DAP3: variants seen among roughly 807,000 people sequenced by gnomAD.
The protein encoded by DAP3 is small ribosomal subunit protein mS29.
DAP3 carries 28 observed loss-of-function variants against 51.9 expected under a neutral mutation model. The observed-to-expected ratio is 0.54, with a 90% CI of 0.40 to 0.74. The LOEUF is 0.74. Among genes scored for constraint, DAP3 ranks in the 30% least tolerant of loss-of-function variants. The pLI is 0.00. For missense variants in DAP3, 458 were observed against 483.5 expected (o/e 0.95, Z 0.49); for synonymous variants, 170 against 170.3 (o/e 1.00, Z 0.01).
chr1:155,733,397 A>G (rs1659439139), intron 11 of DAP3, among the ~76,000 whole-genome samples: 4 of 152,194 alleles, frequency 2.6e-5, no homozygotes. Flanking sequence ...ACTTCCACCT[A>G]CTGGTTTTAG....
chr1:155,730,189 A>G (rs977895190), intron 9 of DAP3, among the ~76,000 whole-genome samples: 1 of 147,882 alleles, frequency 6.8e-6, no homozygotes, highest in African/African-American at 2.5e-5. Flanking sequence ...ATGTATATAT[A>G]ATATTCATAT....
chr1:155,723,225 C>T (rs890896315), intron 4 of DAP3, among the ~76,000 whole-genome samples: 3 of 152,156 alleles, frequency 2.0e-5, no homozygotes, highest in Non-Finnish European at 4.4e-5. Context: ...GTGACCACAG[C>T]CCACAGCACA....
Position 155,737,135 on chromosome 1 carries a change from C to G in DAP3, c.1111+72C>G. The G allele has an allele frequency of 3.8e-6, 4 of 1,050,720 alleles. No homozygotes were observed. The Admixed American group carries it at 7.6e-5, about 20-fold the overall frequency. 65.1% of individuals were successfully genotyped at this position (1,050,720 alleles called of 1,614,324 possible). A position where few individuals can be genotyped will look rare whatever the true frequency, so the allele number is the denominator to read the frequency against. ...AATCCCACTCAGTCAGAGCCTTGATCTCTTCTTCCCTTAACAACAGCCTCT... is the reference window on the plus strand; with the variant it reads ...AATCCCACTCAGTCAGAGCCTTGATGTCTTCTTCCCTTAACAACAGCCTCT... On this transcript the variant is annotated intron_variant, in intron 12 of 12. Transcript: ENST00000368336.
At chr1:155,690,804 G>A (rs1190147210) in intron 1 of DAP3, among the ~76,000 whole-genome samples, 4 of 142,130 alleles carry the variant, frequency 2.8e-5, no homozygotes, top group Admixed American at 2.6e-4. Context: ...CAGTAGTGCA[G>A]TCCTGGCTCA....
At chr1:155,694,865 T>A (rs1462295906) in intron 1 of DAP3, among the ~76,000 whole-genome samples, 1 of 152,186 alleles carries the variant, frequency 6.6e-6, no homozygotes, top group African/African-American at 2.4e-5. Flanking sequence ...TTAAATGCTC[T>A]TCAGCTGCTA....
rs553384181 is a variant in DAP3, at chr1:155,699,083, G to A, written c.-8+9909G>A. 4.3e-4 allele frequency among the ~76,000 whole-genome samples: 66 copies of A among 152,304 alleles called. 1 individual carries two copies. In the East Asian group the frequency reaches 0.011, roughly 25 times the overall value. ...AGTTCATAAAGGTGGGAGCCAGGGG[G>A]CCAGTTGCAAAATGGAGGCTGCAAA... On this transcript the variant is annotated intron_variant, in intron 1 of 12. Coordinates refer to ENST00000368336, the MANE Select transcript of DAP3 (RefSeq NM_004632.4).
intron 11 of DAP3, among the ~76,000 whole-genome samples, chr1:155,733,871 TGGCCA>T (rs1659494461): frequency 6.6e-6 from 1 of 151,946 alleles, no homozygotes; most frequent in African/African-American, 2.4e-5. Flanking sequence ...AATTCCTTCA[TGGCCA>T]GGCTTGGTAG....
chr1:155,714,451 A>C (rs1188075748), intron 2 of DAP3, among the ~76,000 whole-genome samples: 7 of 152,174 alleles, frequency 4.6e-5, no homozygotes, highest in Non-Finnish European at 1.0e-4. Flanking sequence ...AAAGATTTAG[A>C]GATAAAGATA....
chr1:155,724,567 AGGTT>A (rs1408845158), intron 4 of DAP3, among the ~76,000 whole-genome samples: 2 of 149,568 alleles, frequency 1.3e-5, no homozygotes, highest in African/African-American at 5.0e-5. Flanking sequence ...CCGGAGGCGG[AGGTT>A]GCAGTGAGCC....
At chr1:155,714,968 TG>T (rs1198791302) in intron 2 of DAP3, among the ~76,000 whole-genome samples, 1 of 152,014 alleles carries the variant, frequency 6.6e-6, no homozygotes, top group Non-Finnish European at 1.5e-5. Context: ...TTTGGGAGCC[TG>T]GGGTGGGAGG....
intron 1 of DAP3, among the ~76,000 whole-genome samples, chr1:155,695,482 A>C (rs1654395974): frequency 6.6e-6 from 1 of 152,204 alleles, no homozygotes. Flanking sequence ...TCTGGGCATC[A>C]GTAAGTATGG....
chr1:155,714,877 A>G (rs1025609304), intron 2 of DAP3, among the ~76,000 whole-genome samples: 6 of 152,098 alleles, frequency 3.9e-5, no homozygotes, highest in African/African-American at 1.2e-4. Flanking sequence ...GAGGGATGGT[A>G]CAGAGATAAC....
intron 2 of DAP3, among the ~76,000 whole-genome samples, chr1:155,712,280 G>C (rs1445603853): frequency 2.0e-5 from 3 of 152,138 alleles, no homozygotes; most frequent in African/African-American, 7.2e-5. Flanking sequence ...CAGTCTACTT[G>C]AGTGATAACA....
At chr1:155,738,117 G>A in intron 12 of DAP3, 40 bp from the exon 13 acceptor site, 1 of 1,595,048 alleles carries the variant, frequency 6.3e-7, no homozygotes, top group African/African-American at 1.3e-5. Flanking sequence ...CAGTGCAGCA[G>A]GAGGAAACTG....
At chr1:155,730,887 G>A (rs1659165835) in intron 9 of DAP3, among the ~76,000 whole-genome samples, 1 of 152,152 alleles carries the variant, frequency 6.6e-6, no homozygotes, top group Admixed American at 6.6e-5. Context: ...ATCTCCAGAA[G>A]CATGGCAGTT....
At chr1:155,688,232 A>G (rs1438303069), upstream of DAP3, 1 of 1,612,816 alleles carries the variant, frequency 6.2e-7, no homozygotes, top group South Asian at 1.1e-5. Flanking sequence ...GAGAAGGGAA[A>G]GGTGGAGGGC....
At chr1:155,707,797 G>T (rs1184288530) in intron 1 of DAP3, among the ~76,000 whole-genome samples, 2 of 151,920 alleles carry the variant, frequency 1.3e-5, no homozygotes, top group African/African-American at 2.4e-5. Flanking sequence ...GAAGCTTTTT[G>T]GTTTTGAATT....
intron 2 of DAP3, among the ~76,000 whole-genome samples, chr1:155,711,505 A>T (rs1006111638): frequency 6.6e-6 from 1 of 152,142 alleles, no homozygotes; most frequent in African/African-American, 2.4e-5. Flanking sequence ...AAGAAAAAAA[A>T]AAATTTCCTC....
intron 1 of DAP3, among the ~76,000 whole-genome samples, chr1:155,691,816 G>T (rs1653851175): frequency 7.1e-6 from 1 of 141,356 alleles, no homozygotes; most frequent in Non-Finnish European, 1.5e-5. Context: ...GTTTTTATTT[G>T]CATTTTCTTA....
Sources: gnomAD v4.1 joint callset for allele counts (sites outside exome capture counted in the v4.1 genomes callset) on GRCh38, gnomAD v4.1.1 for gene constraint, MANE v1.5 for transcripts, NCBI Gene and HGNC (gene_info 2026-07-23, HGNC 2026-07-21) for gene names.